CACNA2D1: variants seen among roughly 807,000 people sequenced by gnomAD.
CACNA2D1 encodes calcium voltage-gated channel auxiliary subunit alpha2delta 1.
A neutral mutation model predicts 171.5 loss-of-function variants in CACNA2D1; 53 were observed. The observed-to-expected ratio is 0.31, with a 90% CI of 0.25 to 0.39. The LOEUF is 0.39. Ranked by LOEUF, CACNA2D1 falls within the 10% of genes least tolerant of loss-of-function variation. The pLI is 1.00. For missense variants in CACNA2D1, 903 were observed against 1,299.8 expected (o/e 0.69, Z 4.69); for synonymous variants, 442 against 443.1 (o/e 1.00, Z 0.03).
At chr7:81,989,974 C>G (rs1418068499) in intron 21 of CACNA2D1, among the ~76,000 whole-genome samples, 1 of 152,142 alleles carries the variant, frequency 6.6e-6, no homozygotes, top group Admixed American at 6.5e-5. Context: ...ATGTGGTAAC[C>G]TGAGAGTTGG....
chr7:82,330,260 A>G (rs1000978554), intron 3 of CACNA2D1, among the ~76,000 whole-genome samples: 2 of 152,164 alleles, frequency 1.3e-5, no homozygotes, highest in Admixed American at 6.5e-5. Context: ...GCTAGCACAT[A>G]AGGCAATAAG....
chr7:82,105,332 C>A (rs183255794), intron 6 of CACNA2D1, among the ~76,000 whole-genome samples: 1 of 150,582 alleles, frequency 6.6e-6, no homozygotes, highest in Non-Finnish European at 1.5e-5. Flanking sequence ...TATCCATTTA[C>A]CCTTCTATCA....
At chr7:82,160,066 T>C (rs1794788458) in intron 4 of CACNA2D1, among the ~76,000 whole-genome samples, 1 of 151,792 alleles carries the variant, frequency 6.6e-6, no homozygotes, top group South Asian at 2.1e-4. Context: ...AATGTATCAT[T>C]CGGAAACCAG....
At chr7:82,142,554 G>A (rs1057093219) in intron 4 of CACNA2D1, among the ~76,000 whole-genome samples, 5 of 152,134 alleles carry the variant, frequency 3.3e-5, no homozygotes, top group African/African-American at 1.2e-4. Context: ...TATTGCAACT[G>A]AAAATTAAGA....
intron 5 of CACNA2D1, among the ~76,000 whole-genome samples, chr7:82,135,937 C>CT (rs1422431714): frequency 2.6e-5 from 4 of 151,910 alleles, no homozygotes; most frequent in African/African-American, 4.8e-5. Flanking sequence ...TTTTTTTGAT[C>CT]TAAGAGTCAA....
chr7:82,179,136 AAGT>A (rs1424361701), intron 3 of CACNA2D1, among the ~76,000 whole-genome samples: 1 of 152,160 alleles, frequency 6.6e-6, no homozygotes, highest in Non-Finnish European at 1.5e-5. Context: ...GTCACTTAAA[AAGT>A]AGTAGAATAT....
chr7:82,125,396 A>AT (rs1159773898), intron 5 of CACNA2D1, among the ~76,000 whole-genome samples: 1 of 152,196 alleles, frequency 6.6e-6, no homozygotes, highest in Non-Finnish European at 1.5e-5. Flanking sequence ...CTTCTGAGGA[A>AT]TTTGCTTCAC....
chr7:82,364,074 G>GA (rs1349717306), intron 1 of CACNA2D1, among the ~76,000 whole-genome samples: 5 of 151,100 alleles, frequency 3.3e-5, no homozygotes, highest in South Asian at 4.2e-4. Context: ...TCTCTACGAA[G>GA]AAAAAAAAAT....
At chr7:82,036,949 A>G (rs1296207111) in intron 11 of CACNA2D1, among the ~76,000 whole-genome samples, 2 of 152,166 alleles carry the variant, frequency 1.3e-5, no homozygotes, top group Non-Finnish European at 2.9e-5. Flanking sequence ...GTGGTTTGCT[A>G]CATGCCAGGT....
chr7:82,261,099 T>A (rs922208142), intron 3 of CACNA2D1, among the ~76,000 whole-genome samples: 12 of 152,136 alleles, frequency 7.9e-5, no homozygotes, highest in Admixed American at 3.3e-4. Flanking sequence ...GGATTACAGG[T>A]GCCCACCAGC....
intron 3 of CACNA2D1, among the ~76,000 whole-genome samples, chr7:82,186,039 C>T (rs1797700756): frequency 6.6e-6 from 1 of 151,950 alleles, no homozygotes. Context: ...CACCTGTAAT[C>T]TCAGCTACTG....
At chr7:82,377,732 C>T (rs186399796) in intron 1 of CACNA2D1, among the ~76,000 whole-genome samples, 136 of 152,258 alleles carry the variant, frequency 8.9e-4, no homozygotes, top group African/African-American at 3.2e-3. Context: ...CTGAAACGTT[C>T]CCAATCTCTT....
At chr7:82,123,420 T>C (rs1303805433) in intron 5 of CACNA2D1, among the ~76,000 whole-genome samples, 2 of 152,190 alleles carry the variant, frequency 1.3e-5, no homozygotes, top group African/African-American at 4.8e-5. Context: ...ACCTCACAAC[T>C]GTCAATGATA....
At chr7:82,208,330 G>A (rs1800217168) in intron 3 of CACNA2D1, among the ~76,000 whole-genome samples, 1 of 151,988 alleles carries the variant, frequency 6.6e-6, no homozygotes, top group South Asian at 2.1e-4. Flanking sequence ...TTAACGACTT[G>A]ATATCATTAA....
intron 1 of CACNA2D1, among the ~76,000 whole-genome samples, chr7:82,419,430 A>G (rs1828512439): frequency 6.6e-6 from 1 of 152,128 alleles, no homozygotes; most frequent in African/African-American, 2.4e-5. Flanking sequence ...AGATAGCCTA[A>G]TTTCCGCTCC....
In CACNA2D1 at chr7:82,066,540, A is replaced by G. The variant is rs763258773; in HGVS notation, c.659-16T>C. 2 of 1,582,186 alleles carry G rather than the reference A, an allele frequency of 1.3e-6. No homozygotes were observed. The highest frequency in any genetic ancestry group is 1.7e-6 in the Non-Finnish European group (2 of 1,165,016). On this transcript the variant is annotated splice_polypyrimidine_tract_variant and intron_variant, in intron 7 of 38. Transcript: ENST00000356860. The stretch of plus-strand genomic sequence containing the variant: ...CATGGTGAAGCTAAAAAAAAAAAAA[A>G]AAGAGAGATATTAAATCAAAATATT...
intron 3 of CACNA2D1, among the ~76,000 whole-genome samples, chr7:82,171,765 A>C (rs1355796296): frequency 6.6e-6 from 1 of 152,154 alleles, no homozygotes; most frequent in African/African-American, 2.4e-5. Context: ...GCAAACAGAA[A>C]AGTAAATATA....
At chr7:82,085,442 T>C (rs1810340753) in intron 6 of CACNA2D1, among the ~76,000 whole-genome samples, 1 of 151,804 alleles carries the variant, frequency 6.6e-6, no homozygotes, top group Non-Finnish European at 1.5e-5. Context: ...TGGGGCACCT[T>C]AGGACAGAGT....
intron 3 of CACNA2D1, among the ~76,000 whole-genome samples, chr7:82,203,849 C>G (rs541328017): frequency 6.6e-5 from 10 of 151,776 alleles, no homozygotes; most frequent in Admixed American, 5.2e-4. Context: ...AGACAACTTA[C>G]CTAATAGCAG....
Sources: allele counts gnomAD v4.1 joint callset (sites outside exome capture counted in the v4.1 genomes callset), GRCh38; gene constraint gnomAD v4.1.1; transcripts MANE v1.5; gene names NCBI Gene and HGNC (gene_info 2026-07-23, HGNC 2026-07-21).